Variants in SIPA1L2 observed in about 807,000 individuals in gnomAD.
SIPA1L2 encodes the protein signal induced proliferation associated 1 like 2.
In SIPA1L2, 56 loss-of-function variants were observed where a neutral mutation model predicts 163.9. The ratio of observed to expected loss-of-function variants is 0.34; its 90% CI spans 0.28 to 0.43. SIPA1L2 has a LOEUF of 0.43. Among genes scored for constraint, SIPA1L2 ranks in the 20% least tolerant of loss-of-function variants. The pLI, the probability that SIPA1L2 is intolerant of heterozygous loss-of-function variation, is 1.00. For missense variants in SIPA1L2, 1,974 were observed against 2,193.5 expected (o/e 0.90, Z 2.00); for synonymous variants, 877 against 865.7 (o/e 1.01, Z -0.23).
At chr1:232,575,413 C>T (rs188215024) in intron 1 of SIPA1L2, among the ~76,000 whole-genome samples, 54 of 152,248 alleles carry the variant, frequency 3.5e-4, no homozygotes, top group Admixed American at 3.1e-3. Flanking sequence ...TTTAAAAAGC[C>T]CTCCTTTTTC....
intron 11 of SIPA1L2, among the ~76,000 whole-genome samples, chr1:232,444,880 CAT>C (rs2102871426): frequency 6.6e-6 from 1 of 152,280 alleles, no homozygotes; most frequent in East Asian, 1.9e-4. Flanking sequence ...ACCGTGCCTA[CAT>C]GTTACATAAA....
intron 1 of SIPA1L2, among the ~76,000 whole-genome samples, chr1:232,591,522 G>A (rs760768394): frequency 3.3e-5 from 5 of 152,236 alleles, no homozygotes; most frequent in East Asian, 1.9e-4. Context: ...GGTCTCCAGG[G>A]AGGATGAGGT....
chr1:232,626,213 A>T (rs1408622828), intron 1 of SIPA1L2, among the ~76,000 whole-genome samples: 2 of 149,244 alleles, frequency 1.3e-5, no homozygotes, highest in Admixed American at 6.8e-5. Flanking sequence ...GACATATCTG[A>T]CAATCCCTAA....
chr1:232,500,436 T>C (rs1666409882), intron 3 of SIPA1L2, among the ~76,000 whole-genome samples: 1 of 152,230 alleles, frequency 6.6e-6, no homozygotes, highest in Non-Finnish European at 1.5e-5. Context: ...ATTAAGAACG[T>C]TTATGATTCA....
intron 18 of SIPA1L2, among the ~76,000 whole-genome samples, chr1:232,419,370 G>GT (rs1661437652): frequency 1.3e-5 from 2 of 152,078 alleles, no homozygotes; most frequent in African/African-American, 2.4e-5. Context: ...TTACTATTCT[G>GT]TTTTTGTTTT....
chr1:232,441,473 A>C, intron 13 of SIPA1L2, 79 bp from the exon 14 acceptor site: 1 of 1,195,998 alleles, frequency 8.4e-7, no homozygotes, highest in Non-Finnish European at 1.2e-6. Flanking sequence ...GAGTCAGACA[A>C]GTGGTTTGGT....
At chr1:232,597,617 G>A (rs1661338188) in intron 1 of SIPA1L2, among the ~76,000 whole-genome samples, 1 of 147,164 alleles carries the variant, frequency 6.8e-6, no homozygotes, top group Admixed American at 6.9e-5. Context: ...ATGAACCCAG[G>A]AGGCAGAGGT....
chr1:232,538,665 C>T (rs1456669536), intron 2 of SIPA1L2, among the ~76,000 whole-genome samples: 7 of 150,134 alleles, frequency 4.7e-5, no homozygotes. Context: ...TAAAGTCCCC[C>T]AGGCTTAGTG....
chr1:232,431,416 CA>C (rs1221935595), intron 16 of SIPA1L2, among the ~76,000 whole-genome samples: 1 of 152,100 alleles, frequency 6.6e-6, no homozygotes, highest in African/African-American at 2.4e-5. Context: ...GACACAGGAT[CA>C]TTTTTTTTAA....
intron 22 of SIPA1L2, among the ~76,000 whole-genome samples, chr1:232,400,525 G>C (rs1444996246): frequency 5.3e-5 from 8 of 151,366 alleles, no homozygotes; most frequent in Non-Finnish European, 1.0e-4. Context: ...ATCCTCTATT[G>C]TTCAGGCCAG....
At position 232,487,710 on chromosome 1, in the gene SIPA1L2, T is replaced by G. The variant is rs539331061; in HGVS notation, c.1806+3164A>C. 1.4e-4 allele frequency among the ~76,000 whole-genome samples: 20 copies of G among 147,108 alleles called. 1 individual carries two copies. The highest frequency in any genetic ancestry group is 2.6e-4 in the Non-Finnish European group (17 of 65,228). ...CAAAACGTCTTGTTTAATAATTACTTTCCTGAAAATTCTCCACAGTGTTTG... is the reference window on the plus strand; with the variant it reads ...CAAAACGTCTTGTTTAATAATTACTGTCCTGAAAATTCTCCACAGTGTTTG... On this transcript the variant is annotated intron_variant, in intron 5 of 22. Transcript: ENST00000674635.
chr1:232,551,562 G>C (rs900720871), intron 2 of SIPA1L2, among the ~76,000 whole-genome samples: 3 of 152,234 alleles, frequency 2.0e-5, no homozygotes, highest in African/African-American at 7.2e-5. Context: ...AGAGCGGTGG[G>C]AATTTCCAGG....
chr1:232,415,396 C>T lies in SIPA1L2; in HGVS notation c.4762+98G>A, dbSNP rs563808210. 2.4e-5 allele frequency: 34 copies of T among 1,410,672 alleles called. No homozygotes were observed. The African/African-American group carries it at 2.8e-4, about 12-fold the overall frequency. 87.4% of individuals were successfully genotyped at this position (1,410,672 alleles called of 1,614,324 possible). A position where few individuals can be genotyped will look rare whatever the true frequency, so the allele number is the denominator to read the frequency against. On this transcript the variant is annotated intron_variant, in intron 19 of 22. Transcript: ENST00000674635. ...CAAAACATTCAAAACTTTGACCAGA[C>T]GATGGGAGACAGACGGGCTCCCCTA...
intron 2 of SIPA1L2, among the ~76,000 whole-genome samples, chr1:232,564,151 T>TC (rs1284589982): frequency 2.8e-3 from 9 of 3,218 alleles, no homozygotes; most frequent in Non-Finnish European, 0.011. Context: ...TTTTTTTTCG[T>TC]GTGTGTGTGT....
chr1:232,461,706 G>A (rs181407878), intron 9 of SIPA1L2, among the ~76,000 whole-genome samples: 8 of 152,254 alleles, frequency 5.3e-5, no homozygotes, highest in Non-Finnish European at 1.0e-4. Context: ...GAAAGCTAAC[G>A]CTTAAGAGCC....
At chr1:232,480,706 C>G (rs1213408236) in intron 6 of SIPA1L2, among the ~76,000 whole-genome samples, 1 of 152,128 alleles carries the variant, frequency 6.6e-6, no homozygotes, top group Non-Finnish European at 1.5e-5. Flanking sequence ...TTGATCTATA[C>G]AGTCTTATTT....
At chr1:232,526,580 C>T (rs778900703) in intron 2 of SIPA1L2, among the ~76,000 whole-genome samples, 4 of 152,164 alleles carry the variant, frequency 2.6e-5, no homozygotes, top group African/African-American at 7.2e-5. Flanking sequence ...GCCTGCTGCT[C>T]GCCTCCTTCT....
chr1:232,555,791 A>G (rs1223940475), intron 2 of SIPA1L2, among the ~76,000 whole-genome samples: 8 of 152,374 alleles, frequency 5.3e-5, no homozygotes, highest in African/African-American at 1.9e-4. Flanking sequence ...TCTAGGTCCT[A>G]GAAAGCACAA....
chr1:232,606,080 T>C (rs950912796), intron 1 of SIPA1L2, among the ~76,000 whole-genome samples: 5 of 152,248 alleles, frequency 3.3e-5, no homozygotes, highest in Non-Finnish European at 7.3e-5. Flanking sequence ...AAGGACCTCA[T>C]AATCTATTAA....
Sources: gnomAD v4.1 joint callset for allele counts (sites outside exome capture counted in the v4.1 genomes callset) on GRCh38, gnomAD v4.1.1 for gene constraint, MANE v1.5 for transcripts, NCBI Gene and HGNC (gene_info 2026-07-23, HGNC 2026-07-21) for gene names.